ZMYM1: variants seen among roughly 807,000 people sequenced by gnomAD.
ZMYM1 encodes zinc finger MYM-type protein 1.
A neutral mutation model predicts 60.0 loss-of-function variants in ZMYM1; 39 were observed. The ratio of observed to expected loss-of-function variants is 0.65; its 90% CI spans 0.50 to 0.85. ZMYM1 has a LOEUF of 0.85. ZMYM1 is among the 40% of genes least tolerant of loss of function. ZMYM1 has a pLI of 0.00. For missense variants in ZMYM1, 1,171 were observed against 1,309.5 expected (o/e 0.89, Z 1.63); for synonymous variants, 413 against 454.0 (o/e 0.91, Z 1.15).
chr1:35,090,071 A>G (rs1642913743), intron 1 of ZMYM1, among the ~76,000 whole-genome samples: 1 of 151,868 alleles, frequency 6.6e-6, no homozygotes, highest in South Asian at 2.1e-4. Context: ...ACGCCCGGCT[A>G]ATTTTTTTGT....
intron 8 of ZMYM1, 45 bp from the exon 9 acceptor site, chr1:35,112,042 A>T (rs1429905464): frequency 1.3e-6 from 2 of 1,584,408 alleles, no homozygotes; most frequent in Non-Finnish European, 1.7e-6. Context: ...GCTATTTTAT[A>T]GGTTATAGTA....
At chr1:35,110,835 G>A (rs1644063499) in intron 7 of ZMYM1, among the ~76,000 whole-genome samples, 1 of 152,122 alleles carries the variant, frequency 6.6e-6, no homozygotes, top group South Asian at 2.1e-4. Context: ...TTAGGAGGCT[G>A]AGACAGGAGA....
At chr1:35,116,739 A>G (rs1387172909), downstream of ZMYM1, among the ~76,000 whole-genome samples, 1 of 151,226 alleles carries the variant, frequency 6.6e-6, no homozygotes, top group African/African-American at 2.4e-5. Flanking sequence ...ATTATGGCAT[A>G]AGCCACCACG....
chr1:35,062,762 G>A lies in ZMYM1; in HGVS notation c.-301+2837G>A, dbSNP rs539480762. ...GGATACTGATGGCTTACAAAACGAT[G>A]AGAAGCTAAGATAAAAGGTTTAGAC... On this transcript the variant is annotated intron_variant, in intron 1 of 10. Transcript: ENST00000417119. Among the ~76,000 whole-genome samples, 16 of 152,340 alleles carry A rather than the reference G, an allele frequency of 1.1e-4. No individual in the cohort carries two copies. In the East Asian group the frequency reaches 2.9e-3, roughly 28 times the overall value.
intron 1 of ZMYM1, among the ~76,000 whole-genome samples, chr1:35,067,557 A>G (rs1641992672): frequency 6.6e-6 from 1 of 152,114 alleles, no homozygotes; most frequent in Non-Finnish European, 1.5e-5. Context: ...TGGGTTCACC[A>G]AAATCTCACA....
At position 35,113,398 on chromosome 1, in the gene ZMYM1, T is replaced by C; in HGVS notation, c.1568T>C (p.Leu523Ser). 1 of 1,613,806 alleles carries C rather than the reference T, an allele frequency of 6.2e-7. No homozygotes were observed. The highest frequency in any genetic ancestry group is 1.7e-5 in the Admixed American group (1 of 60,014). The change falls in exon 10 of 10, where the codon TTG becomes TCG. Residue 523 changes from leucine to serine, a missense_variant. Transcript: ENST00000359858. ...HEKSEMHLKS[L>S]EFWREYQFCD... ...AAAAGTGAAATGCATTTGAAGTCATTGGAATTTTGGAGAGAATACCAATTT... is the reference window on the plus strand; with the variant it reads ...AAAAGTGAAATGCATTTGAAGTCATCGGAATTTTGGAGAGAATACCAATTT...
downstream of ZMYM1, among the ~76,000 whole-genome samples, chr1:35,116,992 C>T (rs1164387541): frequency 6.6e-6 from 1 of 150,624 alleles, no homozygotes; most frequent in Admixed American, 6.6e-5. Context: ...TACAGGCGCC[C>T]GCCACTGTGC....
intron 1 of ZMYM1, among the ~76,000 whole-genome samples, chr1:35,074,115 A>G (rs1642124067): frequency 6.6e-6 from 1 of 152,098 alleles, no homozygotes; most frequent in Admixed American, 6.5e-5. Context: ...TTCCACTTTA[A>G]TTTCTTCATT....
chr1:35,062,337 C>T (rs1183459640), intron 1 of ZMYM1, among the ~76,000 whole-genome samples: 2 of 152,190 alleles, frequency 1.3e-5, no homozygotes, highest in African/African-American at 4.8e-5. Flanking sequence ...TTATTCTTTG[C>T]TCTTTTCTGC....
intron 1 of ZMYM1, among the ~76,000 whole-genome samples, chr1:35,073,959 T>C (rs1642121796): frequency 6.6e-6 from 1 of 152,180 alleles, no homozygotes; most frequent in Admixed American, 6.6e-5. Flanking sequence ...AATCTTTTTC[T>C]GTATTTTTAG....
At chr1:35,116,938 G>A (rs1644256011), downstream of ZMYM1, among the ~76,000 whole-genome samples, 3 of 131,134 alleles carry the variant, frequency 2.3e-5, no homozygotes, top group South Asian at 2.7e-4. Flanking sequence ...CCGCCTTCCG[G>A]GTTCACGCCA....
At chr1:35,111,062 G>C (rs979724686) in intron 7 of ZMYM1, among the ~76,000 whole-genome samples, 1 of 152,026 alleles carries the variant, frequency 6.6e-6, no homozygotes, top group African/African-American at 2.4e-5. Context: ...GGAGGCACTT[G>C]GTCAATATAG....
Position 35,115,361 on chromosome 1 carries a change from A to T in ZMYM1, c.*102A>T. 2 of 1,326,388 alleles carry T rather than the reference A, an allele frequency of 1.5e-6. No homozygotes were observed. Among genetic ancestry groups the T allele is most frequent in the South Asian group, 1.5e-5 (1 of 64,638 alleles). 82.2% of individuals were successfully genotyped at this position (1,326,388 alleles called of 1,614,324 possible). On this transcript the variant is annotated 3_prime_UTR_variant, in exon 10 of 10. Coordinates refer to ENST00000359858, the MANE Select transcript of ZMYM1 (RefSeq NM_024772.5). ...AAAAGACACAGAACGATAAACAGTG[A>T]AGTCTCCTTCCCTCCTTTAGAACTC...
chr1:35,113,236 A>C lies in ZMYM1; in HGVS notation c.1406A>C (p.Asn469Thr). ...SCCADFECLENSKKDVAFCYS... is the reference protein window; with the variant it reads ...SCCADFECLETSKKDVAFCYS... ...TGTGCAGATTTTGAGTGTTTGGAAA[A>C]CAGTAAAAAAGATGTGGCATTCTGT... The change falls in exon 10 of 10, where the codon AAC becomes ACC. Residue 469 changes from asparagine to threonine, a missense_variant. Transcript: ENST00000359858. The C allele has an allele frequency of 6.2e-7, 1 of 1,613,326 alleles. No homozygotes were observed. Among genetic ancestry groups the C allele is most frequent in the Non-Finnish European group, 8.5e-7 (1 of 1,179,310 alleles).
intron 6 of ZMYM1, among the ~76,000 whole-genome samples, chr1:35,105,126 C>CTTTTTTTTTTT (rs1029051953): frequency 1.7e-4 from 16 of 96,542 alleles, no homozygotes; most frequent in Non-Finnish European, 2.4e-4. Flanking sequence ...TTATTTCTTT[C>CTTTTTTTTTTT]TTTTTTTTTT....
At position 35,104,701 on chromosome 1, in the gene ZMYM1, C is replaced by G. The variant is rs539593470; in HGVS notation, c.739C>G (p.His247Asp). 4.3e-6 allele frequency: 7 copies of G among 1,614,166 alleles called. No individual in the cohort carries two copies. The African/African-American group carries it at 9.3e-5, about 22-fold the overall frequency. The change falls in exon 6 of 10, where the codon CAC becomes GAC. Residue 247 changes from histidine to aspartate, a missense_variant. His to Asp is a moderately conservative substitution (Grantham distance 81). Coordinates refer to ENST00000359858, the MANE Select transcript of ZMYM1 (RefSeq NM_024772.5). Reference protein sequence around the residue: ...TYCYTSSSLSHILQMEGQSHY... With the variant: ...TYCYTSSSLSDILQMEGQSHY... ...CTGTTACACCAGCTCTAGTCTGTCC[C>G]ACATACTTCAGATGGAAGGACAGTC...
At chr1:35,084,406 A>G (rs887019499) in intron 1 of ZMYM1, among the ~76,000 whole-genome samples, 2 of 152,202 alleles carry the variant, frequency 1.3e-5, no homozygotes, top group Non-Finnish European at 2.9e-5. Context: ...CATTATTAGC[A>G]TCCGGATGTA....
intron 1 of ZMYM1, among the ~76,000 whole-genome samples, chr1:35,063,433 G>A (rs1275494994): frequency 2.6e-5 from 4 of 152,050 alleles, no homozygotes; most frequent in African/African-American, 4.8e-5. Context: ...TTAGCCTCCC[G>A]AGTATCTGGG....
chr1:35,090,557 G>A (rs991499665), intron 1 of ZMYM1, among the ~76,000 whole-genome samples: 8 of 152,142 alleles, frequency 5.3e-5, no homozygotes, highest in Admixed American at 1.3e-4. Flanking sequence ...CCTTGCTTTC[G>A]TAGTTCCTCA....
Sources: allele counts gnomAD v4.1 joint callset (sites outside exome capture counted in the v4.1 genomes callset), GRCh38; gene constraint gnomAD v4.1.1; transcripts MANE v1.5; gene names NCBI Gene and HGNC (gene_info 2026-07-23, HGNC 2026-07-21).